AIFM2: variants seen among roughly 807,000 people sequenced by gnomAD.
The protein encoded by AIFM2 is AIF family member 2, ferroptosis suppressor, also known as ferroptosis suppressor protein 1.
A neutral mutation model predicts 35.7 loss-of-function variants in AIFM2; 38 were observed. The ratio of observed to expected loss-of-function variants is 1.06; its 90% CI spans 0.82 to 1.39. AIFM2 has a LOEUF of 1.39. Among genes scored for constraint, AIFM2 ranks in the 40% most tolerant of loss-of-function variants. The pLI is 0.00. For missense variants in AIFM2, 476 were observed against 491.2 expected, an observed-to-expected ratio of 0.97 and a Z score of 0.29; for synonymous variants, 185 against 203.5, an observed-to-expected ratio of 0.91 and a Z score of 0.77.
intron 8 of AIFM2, 63 bp downstream of exon 8, chr10:70,114,857 A>C: frequency 6.4e-7 from 1 of 1,552,466 alleles, no homozygotes; most frequent in Non-Finnish European, 8.8e-7. Context: ...TAGCCCAAAA[A>C]GGCTTCCCCA....
intron 3 of AIFM2, among the ~76,000 whole-genome samples, chr10:70,121,840 C>A (rs1407432746): frequency 6.9e-6 from 1 of 145,136 alleles, no homozygotes; most frequent in African/African-American, 2.8e-5. Flanking sequence ...ACCTGTAATC[C>A]CAGCACTTTG....
intron 1 of AIFM2, among the ~76,000 whole-genome samples, chr10:70,127,001 G>C (rs1186268691): frequency 1.3e-5 from 2 of 152,218 alleles, no homozygotes; most frequent in Non-Finnish European, 2.9e-5. Context: ...GCGTACCTCA[G>C]GCTGAATCTG....
chr10:70,116,684 G>T lies in AIFM2; in HGVS notation c.707C>A (p.Thr236Asn). 6.2e-7 allele frequency: 1 copy of T among 1,614,166 alleles called. No homozygotes were observed. Among genetic ancestry groups the T allele is most frequent in the Non-Finnish European group, 8.5e-7 (1 of 1,180,036 alleles). Reference sequence around the variant, plus strand: ...GCCGGTGCAGAGAATCACCAGGTTGGTGGCCACCTCTGTGCCTTTGTCCGT... The same window carrying T: ...GCCGGTGCAGAGAATCACCAGGTTGTTGGCCACCTCTGTGCCTTTGTCCGT... ...VQTDKGTEVATNLVILCTGIK... is the reference protein window; with the variant it reads ...VQTDKGTEVANNLVILCTGIK... Residue 236 changes from threonine to asparagine, a missense_variant, in exon 7 of 9, where the codon ACC (threonine) becomes AAC (asparagine). By Grantham distance (65) the Thr-to-Asn change is moderately conservative. Coordinates refer to ENST00000307864, the MANE Select transcript of AIFM2 (RefSeq NM_032797.6).
Position 70,121,111 on chromosome 10 carries a change from T to C in AIFM2, c.395A>G (p.Tyr132Cys). The C allele has an allele frequency of 6.2e-7, 1 of 1,610,300 alleles. No homozygotes were observed. The highest frequency in any genetic ancestry group is 8.5e-7 in the Non-Finnish European group (1 of 1,179,666). The change falls in exon 4 of 9, where the codon TAT becomes TGT. Residue 132 changes from tyrosine to cysteine, a missense_variant. Tyr to Cys is a radical substitution (Grantham distance 194). Transcript: ENST00000307864. ...VSSQQAAIQAYEDMVRQVQRS... is the reference protein window; with the variant it reads ...VSSQQAAIQACEDMVRQVQRS... Reference sequence around the variant, plus strand: ...GCTCACCTGCCTCACCATGTCCTCATAGGCCTGGATAGCGGCCTGCTGGCT... The same window carrying C: ...GCTCACCTGCCTCACCATGTCCTCACAGGCCTGGATAGCGGCCTGCTGGCT...
In AIFM2 at chr10:70,131,677, C is replaced by T. The variant is rs774880694; in HGVS notation, c.-14+1057G>A. ...ATTTGGCCACCAGACAAAAGTCAGG[C>T]TGGCCCTGGAGTCCACCGGCCTGCC... On this transcript the variant is annotated intron_variant, in intron 1 of 8. Transcript: ENST00000307864. This position sits in a 1 kb window ranked among gnomAD's most constrained non-coding sequence, Gnocchi z 4.1. 6.6e-6 allele frequency among the ~76,000 whole-genome samples: 1 copy of T among 152,200 alleles called. No individual in the cohort carries two copies. Among genetic ancestry groups the T allele is most frequent in the Non-Finnish European group, 1.5e-5 (1 of 68,044 alleles).
chr10:70,122,973 G>A (rs1037420676), intron 3 of AIFM2, among the ~76,000 whole-genome samples: 2 of 152,282 alleles, frequency 1.3e-5, no homozygotes, highest in South Asian at 2.1e-4. Context: ...TGAGGAATCC[G>A]CTATCTGCCC....
intron 4 of AIFM2, among the ~76,000 whole-genome samples, 196 bp from the exon 5 acceptor site, chr10:70,120,795 C>T (rs1305208117): frequency 6.6e-6 from 1 of 152,158 alleles, no homozygotes; most frequent in African/African-American, 2.4e-5. Context: ...TAAGCCTGCT[C>T]TACAAAACAG....
intron 8 of AIFM2, 56 bp downstream of exon 8, chr10:70,114,864 C>T (rs1470290962): frequency 1.9e-6 from 3 of 1,582,912 alleles, no homozygotes; most frequent in Non-Finnish European, 2.6e-6. Flanking sequence ...AAAAGGCTTC[C>T]CCATGTTTAA....
In AIFM2 at chr10:70,128,560, G is replaced by A. The variant is rs140585148; in HGVS notation, c.-14+4174C>T. Among the ~76,000 whole-genome samples, 548 of 152,290 alleles carry A rather than the reference G, an allele frequency of 3.6e-3. 25 individuals are homozygous for A. The East Asian group carries it at 0.088, about 25-fold the overall frequency. On this transcript the variant is annotated intron_variant, in intron 1 of 8. Transcript: ENST00000307864. The stretch of plus-strand genomic sequence containing the variant: ...GTATTTTTAGTAGAGTCAGGGTTTC[G>A]CCGTGTCGGCCAGGCTGGTCTCGAA...
intron 3 of AIFM2, among the ~76,000 whole-genome samples, chr10:70,122,752 G>A (rs1403345527): frequency 6.6e-6 from 1 of 152,228 alleles, no homozygotes; most frequent in East Asian, 1.9e-4. Context: ...TCAAATCCTA[G>A]TTCAGTCTCT....
rs1164780639 is a variant in AIFM2 at position 70,117,209 on chromosome 10, C to T, written c.617-435G>A. ...GCCTAAAGTGACAGTGACGGCAGCA[C>T]TCCACAGCCAGTTACCAAAAGGAGG... On this transcript the variant is annotated intron_variant, in intron 6 of 8. Coordinates refer to ENST00000307864, the MANE Select transcript of AIFM2 (RefSeq NM_032797.6). The surrounding 1 kb of genome is among the most constrained non-coding windows in gnomAD (Gnocchi z 4.7). Among the ~76,000 whole-genome samples, 1 of 152,210 alleles carries T rather than the reference C, an allele frequency of 6.6e-6. No individual in the cohort carries two copies. The highest frequency in any genetic ancestry group is 1.5e-5 in the Non-Finnish European group (1 of 68,040).
rs572847683 is a variant in AIFM2, at chr10:70,117,415, C to T, written c.616+397G>A. On this transcript the variant is annotated intron_variant, in intron 6 of 8. Transcript: ENST00000307864. This position sits in a 1 kb window ranked among gnomAD's most constrained non-coding sequence, Gnocchi z 4.7. ...TACAAGAAGGCCACACTCCTCACCA[C>T]TCTCAAAACATAAACCAATAAACCT... 6.6e-5 allele frequency among the ~76,000 whole-genome samples: 10 copies of T among 152,242 alleles called. No homozygotes were observed. Among genetic ancestry groups the T allele is most frequent in the South Asian group, 4.1e-4 (2 of 4,838 alleles).
At chr10:70,124,228 C>T (rs2072542113) in intron 1 of AIFM2, 131 bp from the exon 2 acceptor site, 1 of 642,468 alleles carries the variant, frequency 1.6e-6, no homozygotes, top group African/African-American at 1.9e-5. Context: ...AATGAAACTC[C>T]AATTTTATAA....
intron 5 of AIFM2, among the ~76,000 whole-genome samples, chr10:70,118,852 C>A (rs1243135103): frequency 6.6e-6 from 1 of 152,096 alleles, no homozygotes; most frequent in African/African-American, 2.4e-5. Flanking sequence ...CATAGAGCTC[C>A]TAACTCCTTG....
At chr10:70,126,144 G>A (rs936435430) in intron 1 of AIFM2, among the ~76,000 whole-genome samples, 1 of 152,274 alleles carries the variant, frequency 6.6e-6, no homozygotes, top group Non-Finnish European at 1.5e-5. Context: ...GGTGTGGGAG[G>A]AGCCGCACAG....
chr10:70,132,259 A>G (rs926341012), intron 1 of AIFM2, among the ~76,000 whole-genome samples: 7 of 152,146 alleles, frequency 4.6e-5, no homozygotes, highest in East Asian at 1.9e-4. Flanking sequence ...CCCCGAGCCT[A>G]TGGGCACTGG....
At chr10:70,125,033 T>C (rs1208785284) in intron 1 of AIFM2, among the ~76,000 whole-genome samples, 2 of 152,186 alleles carry the variant, frequency 1.3e-5, no homozygotes, top group African/African-American at 2.4e-5. Context: ...GTTCAAGCTC[T>C]TCCTCTCTCT....
At position 70,117,624 on chromosome 10, in the gene AIFM2, A is replaced by G. The variant is rs2072452305; in HGVS notation, c.616+188T>C. 6.6e-6 allele frequency among the ~76,000 whole-genome samples: 1 copy of G among 152,204 alleles called. No homozygotes were observed. The highest frequency in any genetic ancestry group is 2.4e-5 in the African/African-American group (1 of 41,460). On this transcript the variant is annotated intron_variant, in intron 6 of 8. Transcript: ENST00000307864. This position sits in a 1 kb window ranked among gnomAD's most constrained non-coding sequence, Gnocchi z 4.7. The stretch of plus-strand genomic sequence containing the variant: ...GGACGGGCACAACTTCCAGCTGGAC[A>G]AGGCTCAGATGGGCTTTGATGTTCA...
At chr10:70,114,842 T>A in intron 8 of AIFM2, 78 bp downstream of exon 8, 1 of 1,490,700 alleles carries the variant, frequency 6.7e-7, no homozygotes, top group South Asian at 1.2e-5. Context: ...TGGCCAGGTA[T>A]GGGATAGCCC....
Sources: gnomAD v4.1 joint callset for allele counts (sites outside exome capture counted in the v4.1 genomes callset) on GRCh38, gnomAD v4.1.1 for gene constraint, Gnocchi (gnomAD v3.1) non-coding constraint, MANE v1.5 for transcripts, NCBI Gene and HGNC (gene_info 2026-07-23, HGNC 2026-07-21) for gene names.